RRP12: variants seen among roughly 807,000 people sequenced by gnomAD.
The protein encoded by RRP12 is RRP12-like protein.
A neutral mutation model predicts 157.3 loss-of-function variants in RRP12; 78 were observed. That is an observed-to-expected ratio of 0.50 (90% CI 0.41 to 0.60). The LOEUF (loss-of-function observed/expected upper bound fraction) is 0.60, where lower values mean the gene tolerates loss of function less well. RRP12 is among the 20% of genes least tolerant of loss of function. RRP12 has a pLI of 0.00. For missense variants in RRP12, 1,521 were observed against 1,679.9 expected, an observed-to-expected ratio of 0.91 and a Z score of 1.65; for synonymous variants, 726 against 670.9, an observed-to-expected ratio of 1.08 and a Z score of -1.27.
intron 33 of RRP12, among the ~76,000 whole-genome samples, chr10:97,357,530 C>A (rs1468469506): frequency 6.6e-6 from 1 of 152,230 alleles, no homozygotes; most frequent in Non-Finnish European, 1.5e-5. Flanking sequence ...TAGAACTTTA[C>A]AACACCATTT....
intron 13 of RRP12, 27 bp downstream of exon 13, chr10:97,380,772 C>G (rs767848973): frequency 1.2e-5 from 18 of 1,538,938 alleles, no homozygotes; most frequent in Non-Finnish European, 1.5e-5. Flanking sequence ...CCACTTCCTG[C>G]CCTGGCCCCA....
At chr10:97,388,465 C>T (rs960597530) in intron 7 of RRP12, 24 bp downstream of exon 7, 39 of 1,613,526 alleles carry the variant, frequency 2.4e-5, no homozygotes, top group Admixed American at 3.3e-5. Flanking sequence ...TCCCATCCAC[C>T]TGCCCTCCAT....
chr10:97,369,699 C>T lies in RRP12; in HGVS notation c.2798-117G>A, dbSNP rs553828275. The T allele has an allele frequency of 3.7e-4, 408 of 1,114,220 alleles. 3 individuals are homozygous for T. In the African/African-American group the frequency reaches 5.9e-3, roughly 16 times the overall value. 69.0% of individuals were successfully genotyped at this position (1,114,220 alleles called of 1,614,324 possible). On this transcript the variant is annotated intron_variant, in intron 24 of 33. Transcript: ENST00000370992. ...TAAAAGCTGACATTGAGAGCCTTTC[C>T]GTATGCCCGGGATGGTTCCAATCAC...
chr10:97,367,693 T>A (rs554502982), intron 25 of RRP12, among the ~76,000 whole-genome samples: 20 of 152,308 alleles, frequency 1.3e-4, no homozygotes, highest in African/African-American at 3.8e-4. Flanking sequence ...GATCTTCTTA[T>A]CTCCAGTGAC....
Position 97,373,701 on chromosome 10 carries a change from T to C in RRP12, c.1900A>G (p.Thr634Ala). 1 of 1,613,786 alleles carries C rather than the reference T, an allele frequency of 6.2e-7. No individual in the cohort carries two copies. The change falls in exon 17 of 34, where the codon ACA (threonine) becomes GCA (alanine). Residue 634 changes from threonine to alanine, a missense_variant. Transcript: ENST00000370992. ...TLLPGFCTRP[T>A]DVAISFKGLA... ...CCTTTGAAGGAGATGGCCACATCTGTAGGCCTTGTGCAGAACCCAGGCAGG... is the reference window on the plus strand; with the variant it reads ...CCTTTGAAGGAGATGGCCACATCTGCAGGCCTTGTGCAGAACCCAGGCAGG...
At chr10:97,390,034 A>C (rs1293833630) in intron 6 of RRP12, among the ~76,000 whole-genome samples, 1 of 152,198 alleles carries the variant, frequency 6.6e-6, no homozygotes, top group Non-Finnish European at 1.5e-5. Flanking sequence ...TTTCATAGTC[A>C]GGAAGTTGAG....
intron 25 of RRP12, among the ~76,000 whole-genome samples, chr10:97,368,226 T>A (rs1338893799): frequency 1.3e-5 from 2 of 151,702 alleles, no homozygotes; most frequent in African/African-American, 4.9e-5. Context: ...GAGATGGGGC[T>A]TCACCATGTT....
In RRP12 at chr10:97,357,167, T is replaced by C. The variant is rs753972678; in HGVS notation, c.3821A>G (p.Lys1274Arg). 1.1e-5 allele frequency: 17 copies of C among 1,612,344 alleles called. No homozygotes were observed. The highest frequency in any genetic ancestry group is 1.6e-4 in the Middle Eastern group (1 of 6,084). The change falls in exon 34 of 34, where the codon AAA (lysine) becomes AGA (arginine). Residue 1274 changes from lysine to arginine, a missense_variant. Lys to Arg is a conservative substitution (Grantham distance 26). Coordinates refer to ENST00000370992, the MANE Select transcript of RRP12 (RefSeq NM_015179.4). The part of the protein sequence containing the change: ...RKKMKLQGQF[K>R]GLVKAARRGS... ...TCGCCGGGCAGCCTTCACCAGGCCT[T>C]TGAACTGTCCCTGCAGCTTCATCTT...
chr10:97,392,128 G>A lies in RRP12; in HGVS notation c.531-1284C>T, dbSNP rs374996401. On this transcript the variant is annotated intron_variant, in intron 4 of 33. Coordinates refer to ENST00000370992, the MANE Select transcript of RRP12 (RefSeq NM_015179.4). ...TGGGACTACAGGTGCATGCCACCACGCCTAGCTCATTTTTGTATTTTTTTG... is the reference window on the plus strand; with the variant it reads ...TGGGACTACAGGTGCATGCCACCACACCTAGCTCATTTTTGTATTTTTTTG... 3.6e-4 allele frequency among the ~76,000 whole-genome samples: 55 copies of A among 151,388 alleles called. No homozygotes were observed. The South Asian group carries it at 0.011, about 31-fold the overall frequency.
At chr10:97,396,585 G>A (rs1012710171) in intron 2 of RRP12, among the ~76,000 whole-genome samples, 1 of 152,106 alleles carries the variant, frequency 6.6e-6, no homozygotes, top group East Asian at 1.9e-4. Context: ...GCAACAAATT[G>A]GAATGGTCAA....
At chr10:97,367,465 A>C (rs985488339) in intron 25 of RRP12, 4 of 353,226 alleles carry the variant, frequency 1.1e-5, no homozygotes, top group African/African-American at 6.3e-5. Flanking sequence ...TATTTATAGA[A>C]GAGGACACGG....
rs949957045 is a variant in RRP12, at chr10:97,385,075, C to A, written c.1208+91G>T. On this transcript the variant is annotated intron_variant, in intron 10 of 33. Transcript: ENST00000370992. ...GCAGCCAGGATGAAGGCCCTGAGGA[C>A]CCCCCACCTCGGCAGCCTGGACACA... The A allele has an allele frequency of 9.7e-5, 98 of 1,005,870 alleles. 1 individual carries two copies. Among genetic ancestry groups the A allele is most frequent in the Non-Finnish European group, 1.5e-4 (96 of 652,742 alleles). The allele number at this position is 1,005,870 out of a possible 1,614,324, so 62.3% of individuals were successfully genotyped here.
chr10:97,361,110 C>T (rs1162528310), intron 30 of RRP12, among the ~76,000 whole-genome samples: 2 of 152,210 alleles, frequency 1.3e-5, no homozygotes, highest in East Asian at 3.8e-4. Context: ...AGTTCCTGTG[C>T]TCCACGGGCT....
Position 97,356,935 on chromosome 10 carries a change from T to G in RRP12, c.*159A>C. 2 of 560,110 alleles carry G rather than the reference T, an allele frequency of 3.6e-6. No individual in the cohort carries two copies. Among genetic ancestry groups the G allele is most frequent in the Non-Finnish European group, 6.3e-6 (2 of 316,678 alleles). The allele number at this position is 560,110 out of a possible 1,614,324, so 34.7% of individuals were successfully genotyped here. On this transcript the variant is annotated 3_prime_UTR_variant, in exon 34 of 34. Coordinates refer to ENST00000370992, the MANE Select transcript of RRP12 (RefSeq NM_015179.4). ...CTCTGAAGGGTGATTCCATTTGGAGTTTCCAAAATCCAGGACTTCTGAGAG... is the reference window on the plus strand; with the variant it reads ...CTCTGAAGGGTGATTCCATTTGGAGGTTCCAAAATCCAGGACTTCTGAGAG...
chr10:97,361,834 C>T (rs1843849157), intron 30 of RRP12, among the ~76,000 whole-genome samples: 1 of 152,154 alleles, frequency 6.6e-6, no homozygotes, highest in Non-Finnish European at 1.5e-5. Flanking sequence ...CTTGGCCGGG[C>T]CCGGTGGCTC....
At chr10:97,367,489 A>G (rs1844022913) in intron 25 of RRP12, 2 of 275,850 alleles carry the variant, frequency 7.3e-6, no homozygotes, top group Non-Finnish European at 1.4e-5. Context: ...CACAGAGGAT[A>G]AAGTGTTTGC....
At chr10:97,372,985 C>G in intron 18 of RRP12, 61 bp downstream of exon 18, 7 of 1,540,822 alleles carry the variant, frequency 4.5e-6, no homozygotes, top group Non-Finnish European at 5.3e-6. Context: ...GTCTCGGCCT[C>G]TCTGACCCTG....
At position 97,401,218 on chromosome 10, in the gene RRP12, C is replaced by T; in HGVS notation, c.14G>A (p.Gly5Glu). 5 of 1,614,178 alleles carry T rather than the reference C, an allele frequency of 3.1e-6. No individual in the cohort carries two copies. The highest frequency in any genetic ancestry group is 4.2e-6 in the Non-Finnish European group (5 of 1,180,032). Reference sequence around the variant, plus strand: ...AGCTGAGACACCAGAAGGCAACTTTCCCGAGCGACCCATGTTGACTAAGCC... The same window carrying T: ...AGCTGAGACACCAGAAGGCAACTTTTCCGAGCGACCCATGTTGACTAAGCC... MGRS[G>E]KLPSGVSAKL... The change falls in exon 1 of 34, where the codon GGA becomes GAA. Residue 5 changes from glycine to glutamate, a missense_variant. By Grantham distance (98) the Gly-to-Glu change is moderately conservative. Coordinates refer to ENST00000370992, the MANE Select transcript of RRP12 (RefSeq NM_015179.4).
chr10:97,366,634 AG>A lies in RRP12; in HGVS notation c.3216-14del. On this transcript the variant is annotated splice_polypyrimidine_tract_variant and intron_variant, in intron 27 of 33. Transcript: ENST00000370992. ...AATCTCCTCAATGCTAAGGACAAAA[AG>A]CCCCCAGTCAGAGTGCTCCCAGGAG... 6.2e-7 allele frequency: 1 copy of A among 1,607,498 alleles called. No homozygotes were observed. The highest frequency in any genetic ancestry group is 1.1e-5 in the South Asian group (1 of 90,534).
Sources: allele counts gnomAD v4.1 joint callset (sites outside exome capture counted in the v4.1 genomes callset), GRCh38; gene constraint gnomAD v4.1.1; transcripts MANE v1.5; gene names NCBI Gene and HGNC (gene_info 2026-07-23, HGNC 2026-07-21).